Variants in RNGTT observed in about 807,000 individuals in gnomAD.
The protein encoded by RNGTT is mRNA-capping enzyme.
RNGTT carries 33 observed loss-of-function variants against 79.3 expected under a neutral mutation model. The observed-to-expected ratio is 0.42, with a 90% CI of 0.32 to 0.56. The LOEUF is 0.56. Among genes scored for constraint, RNGTT ranks in the 20% least tolerant of loss-of-function variants. RNGTT has a pLI of 0.17. For missense variants in RNGTT, 497 were observed against 739.1 expected (o/e 0.67, Z 3.80); for synonymous variants, 222 against 235.9 (o/e 0.94, Z 0.54).
chr6:88,824,138 C>G (rs972613304), intron 11 of RNGTT, among the ~76,000 whole-genome samples: 5 of 152,148 alleles, frequency 3.3e-5, no homozygotes, highest in Non-Finnish European at 7.4e-5. Flanking sequence ...CATCATTTAA[C>G]AACAGGAGTG....
intron 15 of RNGTT, among the ~76,000 whole-genome samples, chr6:88,613,905 C>A (rs1374008711): frequency 6.6e-6 from 1 of 152,200 alleles, no homozygotes; most frequent in East Asian, 1.9e-4. Flanking sequence ...ATTACATTTT[C>A]CCCTGATAAT....
intron 13 of RNGTT, among the ~76,000 whole-genome samples, chr6:88,729,395 A>G (rs1777032696): frequency 1.3e-5 from 2 of 151,866 alleles, no homozygotes; most frequent in Non-Finnish European, 2.9e-5. Flanking sequence ...AAAGAAAAAA[A>G]AAAAAAAAAA....
At chr6:88,659,670 A>G (rs962699888) in intron 14 of RNGTT, among the ~76,000 whole-genome samples, 1 of 152,160 alleles carries the variant, frequency 6.6e-6, no homozygotes, top group Non-Finnish European at 1.5e-5. Context: ...ATGACCAAAC[A>G]TAAGAATAAC....
chr6:88,632,544 G>GACACACAC (rs55920605), intron 14 of RNGTT, among the ~76,000 whole-genome samples: 1,559 of 132,994 alleles, frequency 0.012, 30 homozygotes, highest in East Asian at 0.05. Flanking sequence ...CAGACACACA[G>GACACACAC]ACACACACAC....
At chr6:88,836,665 C>G (rs182936695) in intron 11 of RNGTT, among the ~76,000 whole-genome samples, 3 of 152,078 alleles carry the variant, frequency 2.0e-5, no homozygotes, top group Non-Finnish European at 4.4e-5. Flanking sequence ...TTGCTGAAGC[C>G]AAGGAAGTCA....
intron 11 of RNGTT, among the ~76,000 whole-genome samples, chr6:88,809,961 T>C (rs377672065): frequency 3.6e-4 from 55 of 152,088 alleles, no homozygotes; most frequent in African/African-American, 1.3e-3. Flanking sequence ...GGCAGAAGGA[T>C]CATTTGAGCC....
intron 1 of RNGTT, among the ~76,000 whole-genome samples, chr6:88,951,179 T>C (rs1582171045): frequency 1.3e-5 from 2 of 152,122 alleles, no homozygotes; most frequent in East Asian, 3.9e-4. Context: ...TTTTTTAAAG[T>C]GGAGCCTGAA....
At chr6:88,873,088 A>G (rs1782406769) in intron 8 of RNGTT, among the ~76,000 whole-genome samples, 1 of 152,166 alleles carries the variant, frequency 6.6e-6, no homozygotes, top group South Asian at 2.1e-4. Flanking sequence ...AAAAAAAAGA[A>G]AGAAAGTAAA....
At chr6:88,647,702 A>T (rs1773623925) in intron 14 of RNGTT, among the ~76,000 whole-genome samples, 1 of 47,268 alleles carries the variant, frequency 2.1e-5, no homozygotes, top group African/African-American at 1.0e-4. Context: ...ACACCCTGTT[A>T]AAAAAAAAAA....
chr6:88,668,652 CAT>C (rs1209143452), intron 14 of RNGTT, among the ~76,000 whole-genome samples: 1 of 152,170 alleles, frequency 6.6e-6, no homozygotes, highest in African/African-American at 2.4e-5. Context: ...TGACCAACCT[CAT>C]GTGTCTTACA....
At chr6:88,892,843 A>AT in intron 6 of RNGTT, among the ~76,000 whole-genome samples, 1 of 152,102 alleles carries the variant, frequency 6.6e-6, no homozygotes, top group Middle Eastern at 3.2e-3. Context: ...AAAGAAAAAA[A>AT]GAACAATTAA....
intron 14 of RNGTT, among the ~76,000 whole-genome samples, chr6:88,633,391 C>T (rs994484018): frequency 1.3e-4 from 20 of 152,130 alleles, no homozygotes; most frequent in Non-Finnish European, 2.8e-4. Context: ...TTACTCTTCC[C>T]CCTGAATGGC....
chr6:88,785,483 T>C lies in RNGTT; in HGVS notation c.1339-15609A>G, dbSNP rs375741435. ...GAATATTTTGCTGTGCTCTAAAAGA[T>C]GAACAAGGAAAAAAAAATAAAATAA... On this transcript the variant is annotated intron_variant, in intron 12 of 15. Coordinates refer to ENST00000369485, the MANE Select transcript of RNGTT (RefSeq NM_003800.5). Among the ~76,000 whole-genome samples the C allele has an allele frequency of 6.6e-5, 10 of 151,848 alleles. No individual in the cohort carries two copies. The East Asian group carries it at 1.7e-3, about 26-fold the overall frequency.
chr6:88,919,803 A>C (rs1784111614), intron 4 of RNGTT, among the ~76,000 whole-genome samples: 1 of 130,520 alleles, frequency 7.7e-6, no homozygotes, highest in African/African-American at 3.0e-5. Flanking sequence ...TACAACCTCT[A>C]CCTCAGCCTC....
chr6:88,698,670 A>G (rs1014867762), intron 13 of RNGTT, among the ~76,000 whole-genome samples: 8 of 152,236 alleles, frequency 5.3e-5, no homozygotes, highest in Admixed American at 4.6e-4. Context: ...AACTATTTTA[A>G]TAACTTCAAA....
chr6:88,951,382 T>C (rs539198101), intron 1 of RNGTT, among the ~76,000 whole-genome samples: 2 of 152,178 alleles, frequency 1.3e-5, no homozygotes, highest in Non-Finnish European at 1.5e-5. Flanking sequence ...TTGGGGAGAA[T>C]TGACTCCACC....
At chr6:88,728,608 C>T (rs187004113) in intron 13 of RNGTT, among the ~76,000 whole-genome samples, 19 of 152,322 alleles carry the variant, frequency 1.2e-4, no homozygotes, top group Non-Finnish European at 2.2e-4. Context: ...CTTAAACCCT[C>T]AAAGTTCTTC....
At chr6:88,662,828 C>T (rs1329214206) in intron 14 of RNGTT, among the ~76,000 whole-genome samples, 3 of 152,176 alleles carry the variant, frequency 2.0e-5, no homozygotes, top group African/African-American at 4.8e-5. Context: ...GGGAAGGAAT[C>T]GGCGATTGGA....
chr6:88,939,023 A>G (rs930814315), intron 2 of RNGTT, among the ~76,000 whole-genome samples: 12 of 151,480 alleles, frequency 7.9e-5, no homozygotes, highest in Non-Finnish European at 1.5e-4. Flanking sequence ...ATGACTAGAC[A>G]CTCTTAATGT....
Sources: allele counts gnomAD v4.1 joint callset (sites outside exome capture counted in the v4.1 genomes callset), GRCh38; gene constraint gnomAD v4.1.1; transcripts MANE v1.5; gene names NCBI Gene and HGNC (gene_info 2026-07-23, HGNC 2026-07-21).